Variants in PRAG1 observed in about 807,000 individuals in gnomAD.
The protein encoded by PRAG1 is inactive tyrosine-protein kinase PRAG1.
In PRAG1, 110 loss-of-function variants were observed where a neutral mutation model predicts 95.6. The observed-to-expected ratio is 1.15, with a 90% CI of 0.99 to 1.35. The LOEUF is 1.35. Among genes scored for constraint, PRAG1 ranks in the 40% most tolerant of loss-of-function variants. PRAG1 has a pLI of 0.00. For synonymous variants in PRAG1, 1,052 were observed against 819.4 expected (o/e 1.28, Z -4.85); for missense variants, 2,554 against 1,864.7 (o/e 1.37, Z -6.81).
intron 3 of PRAG1, among the ~76,000 whole-genome samples, chr8:8,371,264 C>T (rs1187300035): frequency 2.6e-5 from 4 of 151,318 alleles, no homozygotes; most frequent in Non-Finnish European, 5.9e-5. Context: ...TGAGCGAAAA[C>T]TTTCTTTTTT....
At chr8:8,325,258 AT>A (rs1434897234) in intron 5 of PRAG1, among the ~76,000 whole-genome samples, 1 of 151,782 alleles carries the variant, frequency 6.6e-6, no homozygotes, top group Non-Finnish European at 1.5e-5. Flanking sequence ...GGCCAGGCAC[AT>A]TTGCAAATTA....
chr8:8,356,643 T>C (rs1004398616), intron 3 of PRAG1, among the ~76,000 whole-genome samples: 1 of 152,116 alleles, frequency 6.6e-6, no homozygotes, highest in Admixed American at 6.6e-5. Context: ...CCACCACGAC[T>C]GGCCTAGAGG....
chr8:8,342,414 T>C (rs1799201520), intron 3 of PRAG1, among the ~76,000 whole-genome samples: 1 of 151,980 alleles, frequency 6.6e-6, no homozygotes. Context: ...GCCAGGATGG[T>C]CTCGACCCCC....
At chr8:8,371,353 C>CTG (rs1800196908) in intron 3 of PRAG1, among the ~76,000 whole-genome samples, 1 of 151,272 alleles carries the variant, frequency 6.6e-6, no homozygotes, top group South Asian at 2.1e-4. Flanking sequence ...CTCCGCCTCC[C>CTG]GGGTTCACGT....
intron 3 of PRAG1, among the ~76,000 whole-genome samples, chr8:8,345,266 C>G (rs1799299209): frequency 6.6e-6 from 1 of 150,610 alleles, no homozygotes. Flanking sequence ...CATCGTGGCC[C>G]AAGCCTGTAA....
Position 8,324,306 on chromosome 8 carries a change from G to C in PRAG1, c.3072+3404C>G, listed in dbSNP as rs185157168. Among the ~76,000 whole-genome samples, 547 of 152,322 alleles carry C rather than the reference G, an allele frequency of 3.6e-3. 4 individuals carry two copies. The highest frequency in any genetic ancestry group is 0.012 in the African/African-American group (519 of 41,582). ...CACTTGAGGCCTGGAGCTCCAGTCA[G>C]GCTGCTGACATTTTGCACAGAGATG... On this transcript the variant is annotated intron_variant, in intron 5 of 5. Transcript: ENST00000615670.
At chr8:8,375,463 G>C (rs1800355077) in intron 3 of PRAG1, among the ~76,000 whole-genome samples, 1 of 151,982 alleles carries the variant, frequency 6.6e-6, no homozygotes, top group Non-Finnish European at 1.5e-5. Flanking sequence ...GCCTCCCAAA[G>C]TGCTGAGATT....
chr8:8,367,938 G>A (rs930960282), intron 3 of PRAG1, among the ~76,000 whole-genome samples: 2 of 152,168 alleles, frequency 1.3e-5, no homozygotes, highest in African/African-American at 4.8e-5. Context: ...ATCACGCCTG[G>A]CCGTATATAG....
intron 3 of PRAG1, among the ~76,000 whole-genome samples, chr8:8,373,856 G>C (rs540539355): frequency 1.3e-5 from 2 of 151,946 alleles, no homozygotes; most frequent in African/African-American, 2.4e-5. Flanking sequence ...GCAATCTAAG[G>C]GTTTTATCAT....
Position 8,381,789 on chromosome 8 carries a change from C to G in PRAG1, c.-42G>C. On this transcript the variant is annotated 5_prime_UTR_variant, in exon 2 of 6. Transcript: ENST00000615670. ...GCTGGTTCATCTTGCGCCCGGCTCT[C>G]TGGTGCAGTTTTGTGGGATTCAGAG... The G allele has an allele frequency of 6.7e-7, 1 of 1,498,324 alleles. No individual in the cohort carries two copies. Among genetic ancestry groups the G allele is most frequent in the Non-Finnish European group, 9.0e-7 (1 of 1,116,820 alleles). The allele number at this position is 1,498,324 out of a possible 1,614,324, so 92.8% of individuals were successfully genotyped here. A position where few individuals can be genotyped will look rare whatever the true frequency, so the allele number is the denominator to read the frequency against.
chr8:8,328,784 A>G (rs1020821245), intron 4 of PRAG1, among the ~76,000 whole-genome samples: 1 of 152,176 alleles, frequency 6.6e-6, no homozygotes, highest in Non-Finnish European at 1.5e-5. Context: ...GCGCACACAC[A>G]CACACACACA....
intron 3 of PRAG1, among the ~76,000 whole-genome samples, chr8:8,356,592 C>T (rs1198683091): frequency 6.6e-6 from 1 of 152,102 alleles, no homozygotes; most frequent in African/African-American, 2.4e-5. Flanking sequence ...AATAAATTTG[C>T]CCATCTCAGC....
rs765758564 is a variant in PRAG1 at position 8,381,459 on chromosome 8, C to A, written c.289G>T (p.Asp97Tyr). The change falls in exon 2 of 6, where the codon GAT becomes TAT. Residue 97 changes from aspartate to tyrosine, a missense_variant. Physicochemically the swap from Asp to Tyr is radical, Grantham distance 160 (BLOSUM62 -3). Coordinates refer to ENST00000615670, the MANE Select transcript of PRAG1 (RefSeq NM_001080826.3). Reference sequence around the variant, plus strand: ...CTCAGGTTGGCCTCTGTCCACACATCAGAGGCCTCGGAGCTCATCATGGTG... The same window carrying A: ...CTCAGGTTGGCCTCTGTCCACACATAAGAGGCCTCGGAGCTCATCATGGTG... ...KPTMMSSEAS[D>Y]VWTEANLSAE... 6.2e-7 allele frequency: 1 copy of A among 1,614,174 alleles called. No individual in the cohort carries two copies. The highest frequency in any genetic ancestry group is 1.1e-5 in the South Asian group (1 of 91,074).
chr8:8,381,363 G>T, intron 2 of PRAG1, 55 bp downstream of exon 2: 3 of 1,523,258 alleles, frequency 2.0e-6, no homozygotes, highest in Non-Finnish European at 2.7e-6. Context: ...CAGTCACCAA[G>T]TGTTCAAACA....
Position 8,319,114 on chromosome 8 carries a change from G to T in PRAG1, c.3261C>A (p.Cys1087Ter). 3 of 1,608,614 alleles carry T rather than the reference G, an allele frequency of 1.9e-6. No individual in the cohort carries two copies. The highest frequency in any genetic ancestry group is 2.5e-6 in the Non-Finnish European group (3 of 1,178,938). ...PTHPPAQEQD[C>*]VVVITREVPH... Reference sequence around the variant, plus strand: ...GCACCTCTCGGGTGATGACCACCACGCAGTCCTGCTCCTGGGCAGGGGGGT... The same window carrying T: ...GCACCTCTCGGGTGATGACCACCACTCAGTCCTGCTCCTGGGCAGGGGGGT... The change falls in exon 6 of 6, where the codon TGC (cysteine) becomes TGA (stop). Residue 1087 changes from cysteine to a stop codon, truncating the protein, a stop_gained. Transcript: ENST00000615670. LOFTEE classifies it high-confidence loss of function.
chr8:8,336,887 A>ACT (rs1217611571), intron 4 of PRAG1, among the ~76,000 whole-genome samples: 1 of 61,806 alleles, frequency 1.6e-5, no homozygotes, highest in Non-Finnish European at 2.9e-5. Context: ...CCTTCCCCCC[A>ACT]CTCCCCTCCC....
intron 3 of PRAG1, among the ~76,000 whole-genome samples, chr8:8,340,656 T>C (rs942555897): frequency 6.6e-6 from 1 of 152,276 alleles, no homozygotes; most frequent in Non-Finnish European, 1.5e-5. Context: ...AAGAATTTAT[T>C]GGCTGTTCTT....
chr8:8,343,148 A>T (rs1305769047), intron 3 of PRAG1, among the ~76,000 whole-genome samples: 3 of 152,224 alleles, frequency 2.0e-5, no homozygotes, highest in African/African-American at 7.2e-5. Flanking sequence ...ACATGAAAAG[A>T]TTATTAAAAT....
chr8:8,321,316 C>A (rs1201762014), intron 5 of PRAG1, among the ~76,000 whole-genome samples: 3 of 152,124 alleles, frequency 2.0e-5, no homozygotes, highest in Non-Finnish European at 2.9e-5. Context: ...AACTCCTGGG[C>A]TCAAGTGATC....
Sources: gnomAD v4.1 joint callset for allele counts (sites outside exome capture counted in the v4.1 genomes callset) on GRCh38, gnomAD v4.1.1 for gene constraint, MANE v1.5 for transcripts, NCBI Gene and HGNC (gene_info 2026-07-23, HGNC 2026-07-21) for gene names.